The following GNA14 variants were observed in gnomAD, a reference collection of about 807,000 sequenced individuals.
GNA14 encodes guanine nucleotide-binding protein subunit alpha-14.
A neutral mutation model predicts 42.0 loss-of-function variants in GNA14; 50 were observed. The ratio of observed to expected loss-of-function variants is 1.19; its 90% CI spans 0.95 to 1.51. The LOEUF (loss-of-function observed/expected upper bound fraction) is 1.51. GNA14 is among the 40% of genes most tolerant of loss of function. GNA14 has a pLI of 0.00. For synonymous variants in GNA14, 173 were observed against 163.1 expected (o/e 1.06, Z -0.46); for missense variants, 473 against 446.2 (o/e 1.06, Z -0.54).
intron 2 of GNA14, among the ~76,000 whole-genome samples, chr9:77,476,757 G>C (rs938284347): frequency 2.0e-5 from 3 of 152,256 alleles, no homozygotes; most frequent in African/African-American, 7.2e-5. Context: ...ATGCAGATGA[G>C]TGAGTACATA....
At chr9:77,639,424 C>A (rs1304009339) in intron 1 of GNA14, among the ~76,000 whole-genome samples, 1 of 152,196 alleles carries the variant, frequency 6.6e-6, no homozygotes, top group Non-Finnish European at 1.5e-5. Flanking sequence ...ATGCACACAG[C>A]TTATCAGTGG....
chr9:77,525,145 C>T (rs917143390), intron 2 of GNA14, among the ~76,000 whole-genome samples: 1 of 152,166 alleles, frequency 6.6e-6, no homozygotes, highest in African/African-American at 2.4e-5. Context: ...CACACTTATT[C>T]GTTTACTTAT....
intron 1 of GNA14, chr9:77,580,323 A>G: frequency 2.9e-6 from 1 of 339,262 alleles, no homozygotes; most frequent in Non-Finnish European, 6.2e-6. Flanking sequence ...TAAAGATACA[A>G]CCCGAATAGG....
intron 2 of GNA14, among the ~76,000 whole-genome samples, chr9:77,471,526 T>A (rs7864626): frequency 5.3e-5 from 8 of 151,928 alleles, no homozygotes; most frequent in East Asian, 1.9e-4. Flanking sequence ...CTTGAAAGAC[T>A]GATAAGAAAG....
intron 1 of GNA14, among the ~76,000 whole-genome samples, chr9:77,642,308 G>A (rs1274869399): frequency 6.6e-6 from 1 of 152,154 alleles, no homozygotes; most frequent in Admixed American, 6.5e-5. Flanking sequence ...TGTTATAGAT[G>A]GAAGCAAACT....
chr9:77,571,360 T>C (rs1380201236), intron 1 of GNA14, among the ~76,000 whole-genome samples: 1 of 152,156 alleles, frequency 6.6e-6, no homozygotes, highest in Non-Finnish European at 1.5e-5. Flanking sequence ...TATTTTGGGA[T>C]AAGTGGGATT....
chr9:77,446,952 G>A (rs1341996046), intron 2 of GNA14, among the ~76,000 whole-genome samples: 1 of 151,414 alleles, frequency 6.6e-6, no homozygotes, highest in Non-Finnish European at 1.5e-5. Context: ...AAGTTTTGGT[G>A]CAGTTCATGT....
chr9:77,490,559 T>C lies in GNA14; in HGVS notation c.309+38510A>G, dbSNP rs1347922655. 3.9e-5 allele frequency among the ~76,000 whole-genome samples: 6 copies of C among 152,322 alleles called. No individual in the cohort carries two copies. The East Asian group carries it at 1.2e-3, about 29-fold the overall frequency. ...AGGCAGCTAAGGCCTGGTGAGAAAT[T>C]GAACACAGCGCGGGTGGGCTGGCAC... On this transcript the variant is annotated intron_variant, in intron 2 of 6. Transcript: ENST00000341700.
At chr9:77,618,620 A>ATTTTTTT (rs1163590134) in intron 1 of GNA14, among the ~76,000 whole-genome samples, 1 of 10,422 alleles carries the variant, frequency 9.6e-5, no homozygotes, top group African/African-American at 4.4e-4. Context: ...ATATATATAT[A>ATTTTTTT]TTTTTTTTTT....
intron 1 of GNA14, among the ~76,000 whole-genome samples, chr9:77,613,332 A>T (rs1383248591): frequency 6.6e-6 from 1 of 152,250 alleles, no homozygotes; most frequent in Non-Finnish European, 1.5e-5. Context: ...TGTAGAATCT[A>T]AAAGAGTTCA....
At chr9:77,588,560 G>C (rs946200407) in intron 1 of GNA14, among the ~76,000 whole-genome samples, 2 of 152,130 alleles carry the variant, frequency 1.3e-5, no homozygotes, top group African/African-American at 4.8e-5. Context: ...AGAAGAGAAG[G>C]AAAGTTTAAA....
At chr9:77,477,915 T>C (rs1295516723) in intron 2 of GNA14, among the ~76,000 whole-genome samples, 4 of 151,418 alleles carry the variant, frequency 2.6e-5, no homozygotes, top group Non-Finnish European at 4.4e-5. Context: ...AATGCAGAAA[T>C]TGAAATAAAA....
At chr9:77,522,176 C>T (rs1363528260) in intron 2 of GNA14, among the ~76,000 whole-genome samples, 2 of 152,174 alleles carry the variant, frequency 1.3e-5, no homozygotes, top group Non-Finnish European at 2.9e-5. Flanking sequence ...GTTATTAATA[C>T]AATCTGCATC....
chr9:77,450,007 G>A (rs1054710470), intron 2 of GNA14, among the ~76,000 whole-genome samples: 1 of 152,102 alleles, frequency 6.6e-6, no homozygotes, highest in Non-Finnish European at 1.5e-5. Context: ...TCATGGTACC[G>A]GACAGACTGG....
chr9:77,445,988 C>G (rs1048205802), intron 2 of GNA14, among the ~76,000 whole-genome samples: 1 of 152,180 alleles, frequency 6.6e-6, no homozygotes, highest in Non-Finnish European at 1.5e-5. Flanking sequence ...TCAGAATCTG[C>G]GGAGCCTGCT....
At chr9:77,589,162 C>A (rs954738354) in intron 1 of GNA14, among the ~76,000 whole-genome samples, 7 of 152,178 alleles carry the variant, frequency 4.6e-5, no homozygotes, top group African/African-American at 1.7e-4. Context: ...CAAAACCTGG[C>A]ATTGGTTTTC....
In GNA14 at chr9:77,569,987, G is replaced by A. The variant is rs548014518; in HGVS notation, c.125-40734C>T. Among the ~76,000 whole-genome samples, 86 of 151,940 alleles carry A rather than the reference G, an allele frequency of 5.7e-4. 1 individual carries two copies. The highest frequency in any genetic ancestry group is 1.9e-3 in the African/African-American group (79 of 41,458). On this transcript the variant is annotated intron_variant, in intron 1 of 6. Transcript: ENST00000341700. ...TCACTGTGTTGGTCAGTCTGATCTC[G>A]AACTCTTGACCTCGTGATCCGCTTG... is the stretch of plus-strand genomic sequence containing the variant.
At chr9:77,499,774 T>C (rs1836935549) in intron 2 of GNA14, among the ~76,000 whole-genome samples, 1 of 151,956 alleles carries the variant, frequency 6.6e-6, no homozygotes, top group African/African-American at 2.4e-5. Flanking sequence ...CGCTAGAACC[T>C]GGAAGGCAGA....
chr9:77,593,529 C>T (rs542147791), intron 1 of GNA14, among the ~76,000 whole-genome samples: 147 of 152,202 alleles, frequency 9.7e-4, no homozygotes, highest in South Asian at 5.2e-3. Flanking sequence ...AGGCTGGTCT[C>T]GAACTCCTGA....
Sources: allele counts gnomAD v4.1 joint callset (sites outside exome capture counted in the v4.1 genomes callset), GRCh38; gene constraint gnomAD v4.1.1; transcripts MANE v1.5; gene names NCBI Gene and HGNC (gene_info 2026-07-23, HGNC 2026-07-21).